Variants in HDAC4 observed in about 807,000 individuals in gnomAD.
The protein encoded by HDAC4 is histone deacetylase A.
Under a neutral mutation model 135.1 loss-of-function variants are expected in HDAC4, and 16 were observed. The ratio of observed to expected loss-of-function variants is 0.12; its 90% CI spans 0.08 to 0.18. The LOEUF is 0.18. HDAC4 is among the 10% of genes least tolerant of loss of function. The pLI, the probability that HDAC4 is intolerant of heterozygous loss-of-function variation, is 1.00. For missense variants in HDAC4, 1,143 were observed against 1,511.8 expected (o/e 0.76, Z 4.05); for synonymous variants, 685 against 653.4 (o/e 1.05, Z -0.74).
chr2:239,401,250 C>T (rs1452065058), upstream of HDAC4, among the ~76,000 whole-genome samples: 1 of 152,092 alleles, frequency 6.6e-6, no homozygotes, highest in African/African-American at 2.4e-5. Flanking sequence ...TGCGCACAGC[C>T]CGTCTGCTCC....
rs367858314 is a variant in HDAC4 at position 239,163,950 on chromosome 2, G to A, written c.491-27C>T. The A allele has an allele frequency of 1.9e-6, 3 of 1,613,564 alleles. No individual in the cohort carries two copies. The African/African-American group carries it at 4.0e-5, about 22-fold the overall frequency. ...TGGCGTGGGAGAAAGCATAGCAGGGGGTGAAGTGTGGCTCTGCCCTACAGC... is the reference window on the plus strand; with the variant it reads ...TGGCGTGGGAGAAAGCATAGCAGGGAGTGAAGTGTGGCTCTGCCCTACAGC... On this transcript the variant is annotated intron_variant, in intron 5 of 26. Transcript: ENST00000543185.
intron 1 of HDAC4, among the ~76,000 whole-genome samples, chr2:239,377,736 G>C (rs1695120509): frequency 6.6e-6 from 1 of 152,168 alleles, no homozygotes; most frequent in Non-Finnish European, 1.5e-5. Flanking sequence ...CCAACGTGGT[G>C]AAAAGACCCC....
chr2:239,089,949 C>G lies in HDAC4; in HGVS notation c.2388+60G>C, dbSNP rs760909404. Reference sequence around the variant, plus strand: ...GGAGACGGAGTGGGCGGCCCCTCCCCACACTGGGAATCTATGGCAGGCCTC... The same window carrying G: ...GGAGACGGAGTGGGCGGCCCCTCCCGACACTGGGAATCTATGGCAGGCCTC... On this transcript the variant is annotated intron_variant, in intron 18 of 26. Coordinates refer to ENST00000543185, the MANE Select transcript of HDAC4 (RefSeq NM_001378414.1). The G allele has an allele frequency of 8.5e-5, 110 of 1,292,244 alleles. No individual in the cohort carries two copies. The African/African-American group carries it at 1.4e-3, about 16-fold the overall frequency. 80.0% of individuals were successfully genotyped at this position (1,292,244 alleles called of 1,614,324 possible). A position where few individuals can be genotyped will look rare whatever the true frequency, so the allele number is the denominator to read the frequency against.
At chr2:239,155,727 T>C (rs2042383990) in intron 7 of HDAC4, among the ~76,000 whole-genome samples, 1 of 152,206 alleles carries the variant, frequency 6.6e-6, no homozygotes, top group Non-Finnish European at 1.5e-5. Flanking sequence ...ACAGAGAATT[T>C]GTTTAGCAAA....
chr2:239,133,308 C>T (rs1010124007), intron 11 of HDAC4, among the ~76,000 whole-genome samples: 3 of 152,196 alleles, frequency 2.0e-5, no homozygotes, highest in East Asian at 1.9e-4. Flanking sequence ...ACACGCCAAG[C>T]CCCTGAGTTT....
At chr2:239,207,686 GAATT>G (rs947371939) in intron 3 of HDAC4, among the ~76,000 whole-genome samples, 2 of 152,132 alleles carry the variant, frequency 1.3e-5, no homozygotes, top group African/African-American at 2.4e-5. Context: ...ATAGAAAACA[GAATT>G]AACCCTATAA....
chr2:239,149,096 C>T (rs76668775), intron 7 of HDAC4, among the ~76,000 whole-genome samples: 1,660 of 152,162 alleles, frequency 0.011, 15 homozygotes, highest in Middle Eastern at 0.044. Flanking sequence ...TTATTTACTT[C>T]GGTGAAAATA....
intron 9 of HDAC4, among the ~76,000 whole-genome samples, chr2:239,135,762 T>C (rs1011933586): frequency 6.6e-6 from 1 of 152,196 alleles, no homozygotes; most frequent in Admixed American, 6.5e-5. Flanking sequence ...CCCCGACACC[T>C]TGGTGTTAAC....
At position 239,090,027 on chromosome 2, in the gene HDAC4, C is replaced by T. The variant is rs2152721562; in HGVS notation, c.2370G>A (p.Val790=). ...GACTGACCTTCAGCTCCCCTGTGGCCACCTTGAAGACCAGCTCTACCACGC... is the reference window on the plus strand; with the variant it reads ...GACTGACCTTCAGCTCCCCTGTGGCTACCTTGAAGACCAGCTCTACCACGC... ...VGCVVELVFK[V]ATGELKNGFA... Residue 790 remains valine (V), a synonymous_variant, in exon 18 of 27, where the codon GTG becomes GTA. Coordinates refer to ENST00000543185, the MANE Select transcript of HDAC4 (RefSeq NM_001378414.1). The T allele has an allele frequency of 6.2e-7, 1 of 1,613,648 alleles. No homozygotes were observed. Among genetic ancestry groups the T allele is most frequent in the South Asian group, 1.1e-5 (1 of 91,078 alleles).
chr2:239,173,488 TG>T (rs1280004700), intron 5 of HDAC4, among the ~76,000 whole-genome samples: 1 of 152,086 alleles, frequency 6.6e-6, no homozygotes, highest in Non-Finnish European at 1.5e-5. Flanking sequence ...AAACAAGGAA[TG>T]GAAGGGAAAC....
At position 239,087,738 on chromosome 2, in the gene HDAC4, A is replaced by G. The variant is rs115464353; in HGVS notation, c.2389-124T>C. On this transcript the variant is annotated intron_variant, in intron 18 of 26. Coordinates refer to ENST00000543185, the MANE Select transcript of HDAC4 (RefSeq NM_001378414.1). The stretch of plus-strand genomic sequence containing the variant: ...ACACAGGAGGACAGTTTCTTGCTGC[A>G]CCCTGGCCACAGTGATGGGGACAGG... 15,053 of 883,870 alleles carry G rather than the reference A, an allele frequency of 0.017. 191 individuals are homozygous for G. The highest frequency in any genetic ancestry group is 0.02 in the Non-Finnish European group (10,888 of 543,486). The allele number at this position is 883,870 out of a possible 1,614,324, so 54.8% of individuals were successfully genotyped here.
intron 5 of HDAC4, among the ~76,000 whole-genome samples, chr2:239,166,573 T>C (rs374806464): frequency 1.3e-5 from 2 of 152,318 alleles, no homozygotes; most frequent in East Asian, 3.9e-4. Context: ...AGCTGAACTG[T>C]CTGTCTGTAA....
chr2:239,293,095 T>C (rs1297601789), intron 2 of HDAC4, among the ~76,000 whole-genome samples: 2 of 152,216 alleles, frequency 1.3e-5, no homozygotes, highest in Admixed American at 6.5e-5. Context: ...CCAGAATCCC[T>C]TGGAAATGAC....
rs749415481 is a variant in HDAC4, at chr2:239,313,739, C to T, written c.22+38939G>A. Among the ~76,000 whole-genome samples, 1 of 152,192 alleles carries T rather than the reference C, an allele frequency of 6.6e-6. No homozygotes were observed. The highest frequency in any genetic ancestry group is 1.5e-5 in the Non-Finnish European group (1 of 68,048). On this transcript the variant is annotated intron_variant, in intron 2 of 26. Transcript: ENST00000543185. The surrounding 1 kb of genome is among the most constrained non-coding windows in gnomAD (Gnocchi z 5.1). ...AAAGCCTTCACGCCTGGCAATATGG[C>T]ACACGCACTTTTAGAGACGTCTAAT...
chr2:239,071,725 C>A (rs1344947836), intron 22 of HDAC4, among the ~76,000 whole-genome samples: 3 of 152,168 alleles, frequency 2.0e-5, no homozygotes, highest in African/African-American at 7.2e-5. Flanking sequence ...GACCCTGAGT[C>A]CACCTGTTGA....
chr2:239,223,115 G>C (rs185116112), intron 3 of HDAC4, among the ~76,000 whole-genome samples: 1 of 152,210 alleles, frequency 6.6e-6, no homozygotes, highest in Admixed American at 6.5e-5. Context: ...TCTCAGTTAC[G>C]TAAGATCAAG....
At chr2:239,392,706 T>G (rs1214471375) in intron 1 of HDAC4, among the ~76,000 whole-genome samples, 1 of 151,944 alleles carries the variant, frequency 6.6e-6, no homozygotes, top group African/African-American at 2.4e-5. Flanking sequence ...GTCCTGGGGG[T>G]GGGTAAGTCC....
chr2:239,136,777 GA>G (rs1309772263), intron 9 of HDAC4, among the ~76,000 whole-genome samples: 4 of 152,218 alleles, frequency 2.6e-5, no homozygotes, highest in African/African-American at 9.7e-5. Flanking sequence ...TTGGGGATAG[GA>G]AGAAACGCTT....
intron 2 of HDAC4, 74 bp from the exon 3 acceptor site, chr2:239,236,738 C>T: frequency 9.5e-7 from 1 of 1,049,102 alleles, no homozygotes; most frequent in Non-Finnish European, 1.5e-6. Flanking sequence ...TGGGAGTCTG[C>T]AGGGAGTAAC....
Sources: allele counts gnomAD v4.1 joint callset (sites outside exome capture counted in the v4.1 genomes callset), GRCh38; gene constraint gnomAD v4.1.1; non-coding constraint Gnocchi (gnomAD v3.1); transcripts MANE v1.5; gene names NCBI Gene and HGNC (gene_info 2026-07-23, HGNC 2026-07-21).